The following GRIN2B variants were observed in gnomAD, a reference collection of about 807,000 sequenced individuals.
The protein encoded by GRIN2B is glutamate receptor ionotropic, NMDA 2B.
A neutral mutation model predicts 114.5 loss-of-function variants in GRIN2B; 5 were observed. The observed-to-expected ratio is 0.04, with a 90% CI of 0.02 to 0.09. The LOEUF is 0.09. GRIN2B is among the 10% of genes least tolerant of loss of function. GRIN2B has a pLI of 1.00. For missense variants in GRIN2B, 1,108 were observed against 1,943.5 expected, an observed-to-expected ratio of 0.57 and a Z score of 8.08; for synonymous variants, 787 against 745.1, an observed-to-expected ratio of 1.06 and a Z score of -0.92.
chr12:13,926,276 G>T (rs1378273798), intron 2 of GRIN2B, among the ~76,000 whole-genome samples: 1 of 152,062 alleles, frequency 6.6e-6, no homozygotes, highest in African/African-American at 2.4e-5. Context: ...ATGACAAAAA[G>T]CAACATCTAT....
At position 13,556,262 on chromosome 12, in the gene GRIN2B, T is replaced by G. The variant is rs1402590627; in HGVS notation, c.*6521A>C. The G allele has an allele frequency of 6.6e-6, 1 of 152,188 alleles. No individual in the cohort carries two copies. The highest frequency in any genetic ancestry group is 1.5e-5 in the Non-Finnish European group (1 of 68,036). 9.4% of individuals were successfully genotyped at this position (152,188 alleles called of 1,614,324 possible). On this transcript the variant is annotated 3_prime_UTR_variant, in exon 14 of 14. Transcript: ENST00000609686. ...AAATAGCATAATGGATATCTTTGAC[T>G]CCTACCCTGAAACCAGAAAATATTA...
At chr12:13,794,207 C>CAAAAA (rs3082833) in intron 3 of GRIN2B, among the ~76,000 whole-genome samples, 3 of 103,018 alleles carry the variant, frequency 2.9e-5, no homozygotes, top group African/African-American at 1.2e-4. Flanking sequence ...GACTCTGTCT[C>CAAAAA]AAAAAAAAAA....
At position 13,562,679 on chromosome 12, in the gene GRIN2B, G is replaced by A. The variant is rs2136401912; in HGVS notation, c.*104C>T. 1 of 984,514 alleles carries A rather than the reference G, an allele frequency of 1.0e-6. No individual in the cohort carries two copies. The highest frequency in any genetic ancestry group is 1.6e-6 in the Non-Finnish European group (1 of 612,052). 61.0% of individuals were successfully genotyped at this position (984,514 alleles called of 1,614,324 possible). On this transcript the variant is annotated 3_prime_UTR_variant, in exon 14 of 14. Transcript: ENST00000609686. The stretch of plus-strand genomic sequence containing the variant: ...ATAAATAAATTAAAACAAGAAAGGA[G>A]CAAATGGGAACCAAGTTCACCCCCG...
chr12:13,608,546 A>G, intron 10 of GRIN2B, 57 bp downstream of exon 10: 1 of 1,286,248 alleles, frequency 7.8e-7, no homozygotes, highest in South Asian at 1.2e-5. Flanking sequence ...GAGAACTTTG[A>G]GTATGGCTGA....
At chr12:13,857,076 C>T (rs1185132363) in intron 3 of GRIN2B, among the ~76,000 whole-genome samples, 1 of 152,080 alleles carries the variant, frequency 6.6e-6, no homozygotes, top group Non-Finnish European at 1.5e-5. Flanking sequence ...TTGAAAAGTC[C>T]ATTGGATTTG....
intron 5 of GRIN2B, among the ~76,000 whole-genome samples, chr12:13,651,353 C>T (rs1949810319): frequency 6.6e-6 from 1 of 151,980 alleles, no homozygotes; most frequent in African/African-American, 2.4e-5. Flanking sequence ...AGCGGGGCCT[C>T]CAACATCTGT....
chr12:13,566,449 A>G (rs1221722968), intron 13 of GRIN2B, among the ~76,000 whole-genome samples: 1 of 152,216 alleles, frequency 6.6e-6, no homozygotes, highest in African/African-American at 2.4e-5. Flanking sequence ...GAGGAGACCT[A>G]AATAAAGAAT....
chr12:13,756,775 T>C lies in GRIN2B; in HGVS notation c.412-2860A>G, dbSNP rs1452112186. Reference sequence around the variant, plus strand: ...TGAAACCACAGCTGGCTGAAATACATAGCAAGAGGTACAAAAGCCACGGGG... The same window carrying C: ...TGAAACCACAGCTGGCTGAAATACACAGCAAGAGGTACAAAAGCCACGGGG... On this transcript the variant is annotated intron_variant, in intron 3 of 13. Transcript: ENST00000609686. 2.0e-5 allele frequency among the ~76,000 whole-genome samples: 3 copies of C among 152,180 alleles called. No homozygotes were observed. In the East Asian group the frequency reaches 5.8e-4, roughly 29 times the overall value.
intron 5 of GRIN2B, among the ~76,000 whole-genome samples, chr12:13,637,842 C>T (rs1215424851): frequency 2.0e-5 from 3 of 152,054 alleles, no homozygotes; most frequent in African/African-American, 7.2e-5. Context: ...CTTTGTGTAC[C>T]ATATAAATAA....
At chr12:13,638,106 T>A (rs566202733) in intron 5 of GRIN2B, among the ~76,000 whole-genome samples, 1 of 152,270 alleles carries the variant, frequency 6.6e-6, no homozygotes, top group South Asian at 2.1e-4. Flanking sequence ...CTCCTTGACC[T>A]GAGCCAAAGA....
At chr12:13,688,860 C>G (rs922949957) in intron 4 of GRIN2B, among the ~76,000 whole-genome samples, 3 of 152,166 alleles carry the variant, frequency 2.0e-5, no homozygotes, top group Admixed American at 6.6e-5. Flanking sequence ...CACTTATGAT[C>G]TGGACAATCA....
intron 8 of GRIN2B, among the ~76,000 whole-genome samples, chr12:13,612,366 C>T (rs1486015387): frequency 6.6e-6 from 1 of 152,210 alleles, no homozygotes; most frequent in African/African-American, 2.4e-5. Flanking sequence ...CCCTTTTCCC[C>T]TTGTATCATT....
chr12:13,793,725 T>C (rs1386721367), intron 3 of GRIN2B, among the ~76,000 whole-genome samples: 2 of 152,164 alleles, frequency 1.3e-5, no homozygotes, highest in Admixed American at 1.3e-4. Context: ...TCCAGCTGCT[T>C]TCTCCATATT....
chr12:13,681,319 T>C (rs1224411883), intron 4 of GRIN2B, among the ~76,000 whole-genome samples: 1 of 152,206 alleles, frequency 6.6e-6, no homozygotes, highest in African/African-American at 2.4e-5. Flanking sequence ...TGTGATTAGA[T>C]GACAAGGCTG....
intron 3 of GRIN2B, among the ~76,000 whole-genome samples, chr12:13,764,435 G>T (rs1447682592): frequency 6.6e-6 from 1 of 152,088 alleles, no homozygotes; most frequent in Non-Finnish European, 1.5e-5. Context: ...GACCCCAACG[G>T]AATGCTCTAA....
chr12:13,583,852 A>C (rs555402177), intron 10 of GRIN2B, among the ~76,000 whole-genome samples: 9 of 152,154 alleles, frequency 5.9e-5, no homozygotes, highest in Non-Finnish European at 1.2e-4. Context: ...CCGAATGGTC[A>C]GACTGAGGAA....
intron 3 of GRIN2B, among the ~76,000 whole-genome samples, chr12:13,848,265 G>A (rs1037582713): frequency 1.1e-4 from 17 of 152,254 alleles, no homozygotes; most frequent in African/African-American, 4.1e-4. Context: ...ATGCCCCTAG[G>A]GAGGGAAACC....
chr12:13,795,588 C>G (rs1337388909), intron 3 of GRIN2B, among the ~76,000 whole-genome samples: 2 of 152,176 alleles, frequency 1.3e-5, no homozygotes, highest in African/African-American at 4.8e-5. Flanking sequence ...ACTGGGTATA[C>G]ACCCAAAGGA....
chr12:13,722,095 T>A (rs1862894024), intron 4 of GRIN2B, among the ~76,000 whole-genome samples: 1 of 152,100 alleles, frequency 6.6e-6, no homozygotes, highest in African/African-American at 2.4e-5. Flanking sequence ...AACCATTCCA[T>A]TAACACAGTA....
Sources: gnomAD v4.1 joint callset for allele counts (sites outside exome capture counted in the v4.1 genomes callset) on GRCh38, gnomAD v4.1.1 for gene constraint, MANE v1.5 for transcripts, NCBI Gene and HGNC (gene_info 2026-07-23, HGNC 2026-07-21) for gene names.